HDLBP: variants seen among roughly 807,000 people sequenced by gnomAD.
HDLBP encodes vigilin.
Under a neutral mutation model 137.3 loss-of-function variants are expected in HDLBP, and 30 were observed. The observed-to-expected ratio is 0.22, with a 90% CI of 0.16 to 0.30. The LOEUF is 0.30. HDLBP is among the 10% of genes least tolerant of loss of function. The pLI is 1.00. For missense variants in HDLBP, 1,119 were observed against 1,667.3 expected (o/e 0.67, Z 5.73); for synonymous variants, 606 against 596.0 (o/e 1.02, Z -0.24).
rs1241021276 is a variant in HDLBP at position 241,233,656 on chromosome 2, C to A, written c.3288+164G>T. Among the ~76,000 whole-genome samples the A allele has an allele frequency of 6.6e-6, 1 of 152,136 alleles. No homozygotes were observed. The highest frequency in any genetic ancestry group is 2.4e-5 in the African/African-American group (1 of 41,420). On this transcript the variant is annotated intron_variant, in intron 24 of 27. Transcript: ENST00000310931. This position sits in a 1 kb window ranked among gnomAD's most constrained non-coding sequence, Gnocchi z 4.3. ...GAGACCTCACCCATCTGGCAAGTAC[C>A]GAGACACAGCCCAAACCTCAAGCCA...
rs1301799884 is a variant in HDLBP at position 241,236,634 on chromosome 2, G to A, written c.2885C>T (p.Ala962Val). 1 of 1,614,132 alleles carries A rather than the reference G, an allele frequency of 6.2e-7. No homozygotes were observed. Among genetic ancestry groups the A allele is most frequent in the Admixed American group, 1.7e-5 (1 of 60,030 alleles). Residue 962 changes from alanine (A) to valine (V), a missense_variant, in exon 21 of 28, where the codon GCT becomes GTT. Transcript: ENST00000310931. ...IISGRKEKCE[A>V]AKEALEALVP... ...ACATACCTCCAGAGCTTCCTTGGCAGCCTCACACTTTTCTTTCCGGCCAGA... is the reference window on the plus strand; with the variant it reads ...ACATACCTCCAGAGCTTCCTTGGCAACCTCACACTTTTCTTTCCGGCCAGA...
chr2:241,238,471 G>A lies in HDLBP; in HGVS notation c.2749+178C>T, dbSNP rs2070822168. ...TCACCTGGTCACTCTGTCAGTAACTGACGTGGTCCATCTTTTAAAGGCCAG... is the reference window on the plus strand; with the variant it reads ...TCACCTGGTCACTCTGTCAGTAACTAACGTGGTCCATCTTTTAAAGGCCAG... On this transcript the variant is annotated intron_variant, in intron 20 of 27. Coordinates refer to ENST00000310931, the MANE Select transcript of HDLBP (RefSeq NM_005336.6). This position sits in a 1 kb window ranked among gnomAD's most constrained non-coding sequence, Gnocchi z 4.9. The A allele has an allele frequency of 4.2e-6, 2 of 479,074 alleles. No individual in the cohort carries two copies. Among genetic ancestry groups the A allele is most frequent in the African/African-American group, 3.9e-5 (2 of 51,130 alleles). 29.7% of individuals were successfully genotyped at this position (479,074 alleles called of 1,614,324 possible).
intron 1 of HDLBP, among the ~76,000 whole-genome samples, chr2:241,287,218 C>CT (rs2149638724): frequency 6.6e-6 from 1 of 152,100 alleles, no homozygotes; most frequent in East Asian, 1.9e-4. Flanking sequence ...TCAAGCGATT[C>CT]TCTTGCCTCA....
Position 241,270,837 on chromosome 2 carries a change from GA to G in HDLBP, c.-102-2297del, listed in dbSNP as rs2149571079. On this transcript the variant is annotated intron_variant, in intron 1 of 27. Transcript: ENST00000310931. Reference sequence around the variant, plus strand: ...TCCACTTGCTATCTGAAGTTCCCAGGATACCTTGGGCAGGCCTAGATACCCA... The same window carrying G: ...TCCACTTGCTATCTGAAGTTCCCAGGTACCTTGGGCAGGCCTAGATACCCA... The G allele has an allele frequency of 3.1e-5, 11 of 349,270 alleles. No individual in the cohort carries two copies. In the South Asian group the frequency reaches 1.0e-3, roughly 33 times the overall value. 21.6% of individuals were successfully genotyped at this position (349,270 alleles called of 1,614,324 possible). A position where few individuals can be genotyped will look rare whatever the true frequency, so the allele number is the denominator to read the frequency against.
chr2:241,256,899 T>C, intron 5 of HDLBP, 93 bp from the exon 6 acceptor site: 1 of 1,021,360 alleles, frequency 9.8e-7, no homozygotes, highest in Non-Finnish European at 1.5e-6. Flanking sequence ...ACACCATCTT[T>C]GCTTATTCCT....
intron 16 of HDLBP, among the ~76,000 whole-genome samples, chr2:241,245,941 G>T (rs1024398496): frequency 2.0e-5 from 3 of 152,284 alleles, no homozygotes; most frequent in Admixed American, 6.5e-5. Flanking sequence ...GACAGCAAAA[G>T]GATAATGCAG....
chr2:241,283,676 G>A (rs1225614621), intron 1 of HDLBP, among the ~76,000 whole-genome samples: 1 of 151,794 alleles, frequency 6.6e-6, no homozygotes, highest in African/African-American at 2.4e-5. Flanking sequence ...GGGTTTCACC[G>A]TGTTAGCCAG....
chr2:241,265,224 G>T (rs2073562641), intron 3 of HDLBP, among the ~76,000 whole-genome samples: 1 of 152,202 alleles, frequency 6.6e-6, no homozygotes, highest in Non-Finnish European at 1.5e-5. Flanking sequence ...TTCGAGACCA[G>T]CCTGACCAAC....
At chr2:241,249,495 C>T (rs909933735) in intron 12 of HDLBP, 6 of 502,884 alleles carry the variant, frequency 1.2e-5, no homozygotes, top group African/African-American at 1.2e-4. Flanking sequence ...TCTGGCCTTA[C>T]ATGAGAACCA....
chr2:241,235,066 T>A, intron 23 of HDLBP, 55 bp downstream of exon 23: 1 of 1,588,388 alleles, frequency 6.3e-7, no homozygotes, highest in Non-Finnish European at 8.6e-7. Context: ...TTCTGACATG[T>A]GCCCAAAGCT....
At position 241,272,466 on chromosome 2, in the gene HDLBP, G is replaced by T; in HGVS notation, c.-102-3925C>A. ...GGGAGCCCAGCTTGCAGCCAAGAGC[G>T]GCCCAGCGGCGCCACCGGACTTGAG... On this transcript the variant is annotated intron_variant, in intron 1 of 27. Coordinates refer to ENST00000310931, the MANE Select transcript of HDLBP (RefSeq NM_005336.6). The surrounding 1 kb of genome is among the most constrained non-coding windows in gnomAD (Gnocchi z 5.6). The T allele has an allele frequency of 1.0e-6, 1 of 984,364 alleles. No individual in the cohort carries two copies. Among genetic ancestry groups the T allele is most frequent in the South Asian group, 4.7e-5 (1 of 21,274 alleles). 61.0% of individuals were successfully genotyped at this position (984,364 alleles called of 1,614,324 possible). A position where few individuals can be genotyped will look rare whatever the true frequency, so the allele number is the denominator to read the frequency against.
In HDLBP at chr2:241,245,123, AAT is replaced by A. The variant is rs374244893; in HGVS notation, c.1950+1627_1950+1628del. Among the ~76,000 whole-genome samples the A allele has an allele frequency of 1.1e-4, 17 of 152,296 alleles. No homozygotes were observed. The South Asian group carries it at 3.1e-3, about 28-fold the overall frequency. On this transcript the variant is annotated intron_variant, in intron 16 of 27. Transcript: ENST00000310931. ...TTGTTAAACATATGTAATAAATATAAATATGTGATATATAACATATATAATCA... is the reference window on the plus strand; with the variant it reads ...TTGTTAAACATATGTAATAAATATAAATGTGATATATAACATATATAATCA...
At position 241,242,445 on chromosome 2, in the gene HDLBP, C is replaced by T; in HGVS notation, c.2169+15G>A. 3 of 1,608,240 alleles carry T rather than the reference C, an allele frequency of 1.9e-6. No homozygotes were observed. In the South Asian group the frequency reaches 3.3e-5, roughly 18 times the overall value. On this transcript the variant is annotated intron_variant, in intron 17 of 27. Transcript: ENST00000310931. ...AGGCTTCCTGCCAAGAGTCACGCTC[C>T]CTCCCCATGCTCACCTTCTCCTCCG...
chr2:241,261,307 A>C (rs1218093724), intron 5 of HDLBP, among the ~76,000 whole-genome samples: 3 of 152,234 alleles, frequency 2.0e-5, no homozygotes, highest in Non-Finnish European at 4.4e-5. Flanking sequence ...TGACTTGAAA[A>C]GACCAACTGA....
At chr2:241,273,304 A>G (rs2149590042) in intron 1 of HDLBP, 1 of 882,398 alleles carries the variant, frequency 1.1e-6, no homozygotes, top group East Asian at 1.2e-4. Context: ...TATGTCCCTC[A>G]CTTTTATAAA....
chr2:241,289,917 T>C (rs906006291), intron 1 of HDLBP, among the ~76,000 whole-genome samples: 3 of 151,874 alleles, frequency 2.0e-5, no homozygotes, highest in African/African-American at 7.3e-5. Flanking sequence ...ATGAATGGAC[T>C]TCAGAAGGGC....
intron 16 of HDLBP, among the ~76,000 whole-genome samples, chr2:241,243,172 A>C (rs1186224847): frequency 1.3e-5 from 2 of 152,192 alleles, no homozygotes; most frequent in Non-Finnish European, 2.9e-5. Flanking sequence ...GACAGGAAAC[A>C]AGGTGAGCCC....
At chr2:241,257,898 A>G (rs2072803586) in intron 5 of HDLBP, among the ~76,000 whole-genome samples, 1 of 152,186 alleles carries the variant, frequency 6.6e-6, no homozygotes, top group Admixed American at 6.5e-5. Context: ...AAAACCCAGA[A>G]ACAGAGCTAA....
chr2:241,281,159 C>G (rs1396801783), intron 1 of HDLBP, among the ~76,000 whole-genome samples: 1 of 152,098 alleles, frequency 6.6e-6, no homozygotes, highest in Non-Finnish European at 1.5e-5. Context: ...AGATCGAGAT[C>G]AGCCTGACCA....
Sources: gnomAD v4.1 joint callset for allele counts (sites outside exome capture counted in the v4.1 genomes callset) on GRCh38, gnomAD v4.1.1 for gene constraint, Gnocchi (gnomAD v3.1) non-coding constraint, MANE v1.5 for transcripts, NCBI Gene and HGNC (gene_info 2026-07-23, HGNC 2026-07-21) for gene names.